APTX: variants seen among roughly 807,000 people sequenced by gnomAD.
APTX encodes aprataxin, also known as forkhead-associated domain histidine triad-like protein.
APTX carries 33 observed loss-of-function variants against 42.3 expected under a neutral mutation model. The ratio of observed to expected loss-of-function variants is 0.78; its 90% confidence interval spans 0.59 to 1.04. APTX has a LOEUF of 1.04. Ranked by LOEUF, APTX falls within the 50% of genes least tolerant of loss-of-function variation. The probability of loss-of-function intolerance (pLI) is 0.00; values close to 1 mark genes in which losing one functional copy is unlikely to be tolerated. For missense variants in APTX, 421 were observed against 415.1 expected, an observed-to-expected ratio of 1.01 and a Z score of -0.12; for synonymous variants, 130 against 146.7, an observed-to-expected ratio of 0.89 and a Z score of 0.82.
intron 6 of APTX, among the ~76,000 whole-genome samples, chr9:32,978,611 T>C (rs767736865): frequency 3.9e-5 from 6 of 152,192 alleles, no homozygotes; most frequent in Non-Finnish European, 7.3e-5. Context: ...ATACCTACTT[T>C]ACAGGGTTGC....
intron 6 of APTX, among the ~76,000 whole-genome samples, chr9:32,975,331 C>T (rs955735250): frequency 4.6e-5 from 7 of 151,976 alleles, no homozygotes; most frequent in Non-Finnish European, 7.4e-5. Context: ...TTTTTGTTAA[C>T]AATAAAAATT....
At chr9:33,008,170 T>A (rs1434206849) in intron 1 of APTX, among the ~76,000 whole-genome samples, 2 of 152,058 alleles carry the variant, frequency 1.3e-5, no homozygotes, top group East Asian at 1.9e-4. Flanking sequence ...GGGGTAAATC[T>A]GAGGGGAGGC....
intron 1 of APTX, among the ~76,000 whole-genome samples, chr9:33,007,669 A>G (rs1208108430): frequency 6.6e-6 from 1 of 152,194 alleles, no homozygotes; most frequent in East Asian, 1.9e-4. Flanking sequence ...TCATATATCC[A>G]AAAACTTCTT....
intron 1 of APTX, among the ~76,000 whole-genome samples, chr9:33,022,345 G>A (rs1218763213): frequency 1.3e-5 from 2 of 152,102 alleles, no homozygotes; most frequent in Admixed American, 6.6e-5. Flanking sequence ...AAAGAAACTC[G>A]AAACAATAAG....
At chr9:33,001,824 G>T (rs920337687), upstream of APTX, among the ~76,000 whole-genome samples, 13 of 152,176 alleles carry the variant, frequency 8.5e-5, no homozygotes, top group African/African-American at 3.1e-4. Flanking sequence ...GCATCTCTCT[G>T]CCTGAGGGCC....
chr9:32,999,074 T>C (rs925291615), intron 1 of APTX, among the ~76,000 whole-genome samples: 8 of 152,194 alleles, frequency 5.3e-5, no homozygotes, highest in Admixed American at 6.5e-5. Context: ...GTCTTGTTCA[T>C]CTCTGTATCC....
At position 32,997,152 on chromosome 9, in the gene APTX, T is replaced by A. The variant is rs12378145; in HGVS notation, c.-5+4415A>T. On this transcript the variant is annotated intron_variant, in intron 1 of 7. Coordinates refer to ENST00000379817, the MANE Select transcript of APTX (RefSeq NM_001195248.2). Reference sequence around the variant, plus strand: ...GTCAAAATTACTACACTCCTGTGTATCTTGTGCCATTCTAGTACTGGGAAT... The same window carrying A: ...GTCAAAATTACTACACTCCTGTGTAACTTGTGCCATTCTAGTACTGGGAAT... 0.19 allele frequency: 29,570 copies of A among 152,146 alleles called. 3,123 individuals carry two copies. The highest frequency in any genetic ancestry group is 0.29 in the Middle Eastern group (85 of 294). The allele number at this position is 152,146 out of a possible 1,614,324, so 9.4% of individuals were successfully genotyped here.
chr9:33,009,248 T>C (rs1033773597), intron 1 of APTX, among the ~76,000 whole-genome samples: 3 of 152,012 alleles, frequency 2.0e-5, no homozygotes, highest in Non-Finnish European at 4.4e-5. Context: ...TAGTGGTCTA[T>C]CCTGAAATTT....
chr9:33,017,248 T>A (rs967291700), intron 1 of APTX, among the ~76,000 whole-genome samples: 1 of 152,250 alleles, frequency 6.6e-6, no homozygotes, highest in Non-Finnish European at 1.5e-5. Flanking sequence ...GGGTCTCCTG[T>A]ACTTCTGATA....
intron 1 of APTX, among the ~76,000 whole-genome samples, chr9:33,017,229 G>C (rs1837964649): frequency 6.6e-6 from 1 of 152,202 alleles, no homozygotes; most frequent in Non-Finnish European, 1.5e-5. Flanking sequence ...GATACCAATA[G>C]CAAGTCCAGG....
At position 32,973,655 on chromosome 9, in the gene APTX, G is replaced by A. The variant is rs759989689; in HGVS notation, c.875-3C>T. ...CTCTTGTACCATCTCGATCACAGCTGCAGGCAAGGAAGAAAAGTCAAATCC... is the reference window on the plus strand; with the variant it reads ...CTCTTGTACCATCTCGATCACAGCTACAGGCAAGGAAGAAAAGTCAAATCC... On this transcript the variant is annotated splice_region_variant and splice_polypyrimidine_tract_variant and intron_variant, in intron 7 of 7. Transcript: ENST00000379817. The A allele has an allele frequency of 7.6e-5, 123 of 1,611,506 alleles. 1 individual carries two copies. The highest frequency in any genetic ancestry group is 5.1e-6 in the Non-Finnish European group (6 of 1,179,786).
chr9:33,014,573 A>T (rs1168186485), intron 1 of APTX, among the ~76,000 whole-genome samples: 1 of 152,140 alleles, frequency 6.6e-6, no homozygotes, highest in Non-Finnish European at 1.5e-5. Context: ...GGAGCAGGAC[A>T]TCAGGTTTTG....
chr9:33,007,692 G>C (rs1394049351), intron 1 of APTX, among the ~76,000 whole-genome samples: 1 of 152,004 alleles, frequency 6.6e-6, no homozygotes, highest in African/African-American at 2.4e-5. Flanking sequence ...TGCAAGAACT[G>C]CGACATTGCC....
chr9:33,004,854 C>T (rs1250752637), upstream of APTX, among the ~76,000 whole-genome samples: 1 of 151,426 alleles, frequency 6.6e-6, no homozygotes, highest in Admixed American at 6.6e-5. Context: ...ATTGGCCAGG[C>T]TGATCTCAAA....
At chr9:33,007,868 G>A (rs1002872362) in intron 1 of APTX, among the ~76,000 whole-genome samples, 3 of 151,664 alleles carry the variant, frequency 2.0e-5, no homozygotes, top group Admixed American at 2.0e-4. Context: ...CCAAGACTGA[G>A]CCCAGGCTGC....
upstream of APTX, among the ~76,000 whole-genome samples, chr9:33,001,935 A>G (rs1213794687): frequency 6.6e-6 from 1 of 152,184 alleles, no homozygotes; most frequent in South Asian, 2.1e-4. Flanking sequence ...TCGATACTCC[A>G]TAAGGAGACG....
At chr9:32,982,492 T>C (rs1223035835) in intron 6 of APTX, among the ~76,000 whole-genome samples, 1 of 152,230 alleles carries the variant, frequency 6.6e-6, no homozygotes, top group African/African-American at 2.4e-5. Context: ...ACTTAATTTT[T>C]TATATTTTCT....
chr9:32,987,651 T>C lies in APTX; in HGVS notation c.376A>G (p.Arg126Gly), dbSNP rs1208892003. ...KRSGNSDSIE[R>G]DAAQEAEAGT... ...GCCTCAGCTTCCTGAGCAGCATCCC[T>C]TTCTATAGAATCACTGTTGCCTGAT... The change falls in exon 4 of 8, where the codon AGG becomes GGG. Residue 126 changes from arginine (R) to glycine (G), a missense_variant. Arg to Gly is a moderately radical substitution (Grantham distance 125). Transcript: ENST00000379817. 1.2e-6 allele frequency: 2 copies of C among 1,614,238 alleles called. No individual in the cohort carries two copies. Among genetic ancestry groups the C allele is most frequent in the East Asian group, 2.2e-5 (1 of 44,888 alleles).
intron 1 of APTX, among the ~76,000 whole-genome samples, chr9:32,994,540 A>G (rs1204965348): frequency 5.3e-5 from 8 of 152,184 alleles, no homozygotes; most frequent in African/African-American, 1.9e-4. Flanking sequence ...TTTGAAAGAT[A>G]TTGCATTTTT....
Sources: allele counts gnomAD v4.1 joint callset (sites outside exome capture counted in the v4.1 genomes callset), GRCh38; gene constraint gnomAD v4.1.1; transcripts MANE v1.5; gene names NCBI Gene and HGNC (gene_info 2026-07-23, HGNC 2026-07-21).